ZNF121: variants seen among roughly 807,000 people sequenced by gnomAD.
ZNF121 encodes zinc finger protein 121.
In ZNF121, 1 loss-of-function variant was observed where a neutral mutation model predicts 2.4. The observed-to-expected ratio is 0.41, with a 90% CI of 0.15 to 1.94. ZNF121 has a LOEUF of 1.94. ZNF121 is among the 30% of genes most tolerant of loss of function. The probability of loss-of-function intolerance (pLI) is 0.30; values close to 1 mark genes in which losing one functional copy is unlikely to be tolerated. For synonymous variants in ZNF121, 173 were observed against 158.6 expected (o/e 1.09, Z -0.68); for missense variants, 369 against 466.3 (o/e 0.79, Z 1.92).
intron 1 of ZNF121, among the ~76,000 whole-genome samples, chr19:9,576,590 T>G (rs1355107532): frequency 6.6e-6 from 1 of 150,942 alleles, no homozygotes; most frequent in African/African-American, 2.4e-5. Context: ...CAAAAACAAA[T>G]CAGACTCACA....
chr19:9,566,387 T>C lies in ZNF121; in HGVS notation c.726A>G (p.Leu242=), dbSNP rs770867583. The C allele has an allele frequency of 3.1e-6, 5 of 1,613,946 alleles. 1 individual carries two copies. Among genetic ancestry groups the C allele is most frequent in the South Asian group, 2.2e-5 (2 of 91,076 alleles). ...ECGKAYNRFY[L]LTEHFKTHTE... ...TGTGAGTTTTAAAATGTTCAGTTAG[T>C]AGATAAAACCTATTGTAGGCTTTCC... The change falls in exon 4 of 4, where the codon CTA becomes CTG. Residue 242 remains leucine (L), a synonymous_variant. Coordinates refer to ENST00000320451, the MANE Select transcript of ZNF121 (RefSeq NM_001008727.5).
intron 1 of ZNF121, among the ~76,000 whole-genome samples, chr19:9,583,543 G>A (rs1477627702): frequency 9.8e-6 from 1 of 101,872 alleles, no homozygotes; most frequent in South Asian, 3.4e-4. Context: ...TCCCTCTTTT[G>A]CCCAGGCTGG....
intron 1 of ZNF121, among the ~76,000 whole-genome samples, chr19:9,577,546 G>C (rs563431230): frequency 6.6e-6 from 1 of 152,092 alleles, no homozygotes; most frequent in South Asian, 2.1e-4. Flanking sequence ...ACAAACTGTA[G>C]AGGATACAGA....
intron 1 of ZNF121, among the ~76,000 whole-genome samples, chr19:9,573,110 A>G (rs1327824770): frequency 6.6e-6 from 1 of 152,220 alleles, no homozygotes; most frequent in Non-Finnish European, 1.5e-5. Context: ...CAATGCACAG[A>G]CACAGATGTA....
At chr19:9,568,406 C>A (rs1188785430) in intron 2 of ZNF121, among the ~76,000 whole-genome samples, 1 of 151,400 alleles carries the variant, frequency 6.6e-6, no homozygotes, top group Non-Finnish European at 1.5e-5. Context: ...CTCGCTCTGT[C>A]ACCCAGACTG....
At position 9,565,752 on chromosome 19, in the gene ZNF121, C is replaced by T. The variant is rs1409172444; in HGVS notation, c.*188G>A. On this transcript the variant is annotated 3_prime_UTR_variant, in exon 4 of 4. Transcript: ENST00000320451. ...AAGATTCCATTGGCTCCCTAACATT[C>T]CTAAAATTTATAGGGGACACATAGA... 7.9e-6 allele frequency: 3 copies of T among 381,494 alleles called. No homozygotes were observed. Among genetic ancestry groups the T allele is most frequent in the African/African-American group, 2.1e-5 (1 of 48,348 alleles). The allele number at this position is 381,494 out of a possible 1,614,324, so 23.6% of individuals were successfully genotyped here.
intron 1 of ZNF121, among the ~76,000 whole-genome samples, chr19:9,573,190 T>A (rs2074186211): frequency 1.3e-5 from 2 of 152,204 alleles, no homozygotes; most frequent in Non-Finnish European, 2.9e-5. Flanking sequence ...TATCAGTGAC[T>A]GAACCTAATG....
In ZNF121 at chr19:9,560,882, A is replaced by AT. The variant is rs1332266587; in HGVS notation, c.*5057dup. On this transcript the variant is annotated 3_prime_UTR_variant, in exon 4 of 4. Coordinates refer to ENST00000320451, the MANE Select transcript of ZNF121 (RefSeq NM_001008727.5). ...AGTAAGTTTTAAACCTAGTGCTTTT[A>AT]TATTACGCCCTGAGCTAAAGATAAG... 3 of 152,234 alleles carry AT rather than the reference A, an allele frequency of 2.0e-5. No individual in the cohort carries two copies. The highest frequency in any genetic ancestry group is 7.2e-5 in the African/African-American group (3 of 41,460). 9.4% of individuals were successfully genotyped at this position (152,234 alleles called of 1,614,324 possible).
In ZNF121 at chr19:9,564,241, CT is replaced by C. The variant is rs1306273328; in HGVS notation, c.*1698del. 1 of 152,086 alleles carries C rather than the reference CT, an allele frequency of 6.6e-6. No individual in the cohort carries two copies. The highest frequency in any genetic ancestry group is 1.5e-5 in the Non-Finnish European group (1 of 68,086). The allele number at this position is 152,086 out of a possible 1,614,324, so 9.4% of individuals were successfully genotyped here. A position where few individuals can be genotyped will look rare whatever the true frequency, so the allele number is the denominator to read the frequency against. On this transcript the variant is annotated 3_prime_UTR_variant, in exon 4 of 4. Transcript: ENST00000320451. Reference sequence around the variant, plus strand: ...TTAAGGCAGGTGTGGTGGTGTGTGCCTGGAGTCTTGGCTACTCAGGAGGCAT... The same window carrying C: ...TTAAGGCAGGTGTGGTGGTGTGTGCCGGAGTCTTGGCTACTCAGGAGGCAT...
At chr19:9,570,216 A>G (rs975466036) in intron 1 of ZNF121, among the ~76,000 whole-genome samples, 6 of 152,094 alleles carry the variant, frequency 3.9e-5, no homozygotes, top group African/African-American at 1.2e-4. Flanking sequence ...AAAACAAAAG[A>G]ATCAGAGAGC....
Position 9,565,353 on chromosome 19 carries a change from CAAAAAA to C in ZNF121, c.*581_*586del, listed in dbSNP as rs71185609. On this transcript the variant is annotated 3_prime_UTR_variant, in exon 4 of 4. Transcript: ENST00000320451. ...AAGAATGTGTATTAACAACGACTTA[CAAAAAA>C]AAAAAAAAAAAAAAAAAAAAAAAAA... is the stretch of plus-strand genomic sequence containing the variant. The C allele has an allele frequency of 1.3e-4, 4 of 29,862 alleles. No homozygotes were observed. Among genetic ancestry groups the C allele is most frequent in the Admixed American group, 6.0e-4 (1 of 1,656 alleles). The allele number at this position is 29,862 out of a possible 1,614,324, so 1.8% of individuals were successfully genotyped here.
At chr19:9,575,174 C>A (rs548476105) in intron 1 of ZNF121, among the ~76,000 whole-genome samples, 1 of 152,190 alleles carries the variant, frequency 6.6e-6, no homozygotes, top group Non-Finnish European at 1.5e-5. Context: ...AATCACAACA[C>A]TTTGGGAGGC....
intron 1 of ZNF121, among the ~76,000 whole-genome samples, chr19:9,573,379 G>A (rs2074187528): frequency 2.0e-5 from 3 of 152,118 alleles, no homozygotes; most frequent in Admixed American, 6.6e-5. Context: ...AAAAGTTCAC[G>A]GTAGAGGCTC....
At chr19:9,568,433 T>C (rs1309663544) in intron 2 of ZNF121, among the ~76,000 whole-genome samples, 1 of 151,604 alleles carries the variant, frequency 6.6e-6, no homozygotes, top group African/African-American at 2.4e-5. Context: ...TGGAGTGCAG[T>C]GGCATGATCT....
At chr19:9,578,226 G>A (rs115864096) in intron 1 of ZNF121, among the ~76,000 whole-genome samples, 71 of 151,292 alleles carry the variant, frequency 4.7e-4, no homozygotes, top group African/African-American at 1.6e-3. Context: ...GTGACAGAAC[G>A]AGACTCCACC....
chr19:9,567,085 G>T lies in ZNF121; in HGVS notation c.28C>A (p.Leu10Ile), dbSNP rs755569929. MAEIHNGGELCDFMENGEIF... is the reference protein window; with the variant it reads MAEIHNGGEICDFMENGEIF... ...TCTCCATTTTCCATAAAGTCACAGA[G>T]TTCCCCTCCATTGTGGATTTCTGCC... Residue 10 changes from leucine (L) to isoleucine (I), a missense_variant, in exon 4 of 4, where the codon CTC (leucine) becomes ATC (isoleucine). Physicochemically the swap from Leu to Ile is conservative, Grantham distance 5. Transcript: ENST00000320451. 1 of 1,612,306 alleles carries T rather than the reference G, an allele frequency of 6.2e-7. No individual in the cohort carries two copies. Among genetic ancestry groups the T allele is most frequent in the East Asian group, 2.2e-5 (1 of 44,866 alleles).
In ZNF121 at chr19:9,562,886, T is replaced by TAAAAAA. The variant is rs56681222; in HGVS notation, c.*3048_*3053dup. On this transcript the variant is annotated 3_prime_UTR_variant, in exon 4 of 4. Coordinates refer to ENST00000320451, the MANE Select transcript of ZNF121 (RefSeq NM_001008727.5). ...GGTAAACAGTAAAGTCCTGCCTCTT[T>TAAAAAA]AAAAAAAAAAAAAAAAAAAAAAAAA... is the stretch of plus-strand genomic sequence containing the variant. The TAAAAAA allele has an allele frequency of 1.0e-5, 1 of 97,402 alleles. No homozygotes were observed. The highest frequency in any genetic ancestry group is 2.0e-5 in the Non-Finnish European group (1 of 49,952). The allele number at this position is 97,402 out of a possible 1,614,324, so 6.0% of individuals were successfully genotyped here. A position where few individuals can be genotyped will look rare whatever the true frequency, so the allele number is the denominator to read the frequency against.
At chr19:9,574,400 C>G (rs895276105) in intron 1 of ZNF121, among the ~76,000 whole-genome samples, 1 of 152,018 alleles carries the variant, frequency 6.6e-6, no homozygotes, top group African/African-American at 2.4e-5. Context: ...GTGATCTGCC[C>G]GCCTTGGCCT....
At chr19:9,568,217 G>A (rs1471001938) in intron 2 of ZNF121, 42 bp from the exon 3 acceptor site, 2 of 929,742 alleles carry the variant, frequency 2.2e-6, no homozygotes, top group Non-Finnish European at 1.6e-6. Context: ...TAGGGTCTGA[G>A]AACAAAACAG....
Sources: gnomAD v4.1 joint callset for allele counts (sites outside exome capture counted in the v4.1 genomes callset) on GRCh38, gnomAD v4.1.1 for gene constraint, MANE v1.5 for transcripts, NCBI Gene and HGNC (gene_info 2026-07-23, HGNC 2026-07-21) for gene names.